The following CALN1 variants were observed in gnomAD, a reference collection of about 807,000 sequenced individuals.
The protein encoded by CALN1 is calneuron 1.
Under a neutral mutation model 30.6 loss-of-function variants are expected in CALN1, and 17 were observed. The observed-to-expected ratio is 0.56, with a 90% CI of 0.38 to 0.83. The LOEUF (loss-of-function observed/expected upper bound fraction) is 0.83. Among genes scored for constraint, CALN1 ranks in the 40% least tolerant of loss-of-function variants. The pLI is 0.00. For missense variants in CALN1, 291 were observed against 354.9 expected (o/e 0.82, Z 1.45); for synonymous variants, 156 against 131.4 (o/e 1.19, Z -1.28).
chr7:72,409,081 C>A (rs768894315), intron 1 of CALN1, among the ~76,000 whole-genome samples: 1 of 151,796 alleles, frequency 6.6e-6, no homozygotes, highest in Non-Finnish European at 1.5e-5. Context: ...CTGCAACTTC[C>A]GCCTCCCGGA....
At chr7:72,332,436 T>C (rs952956031) in intron 2 of CALN1, among the ~76,000 whole-genome samples, 7 of 152,056 alleles carry the variant, frequency 4.6e-5, no homozygotes, top group Non-Finnish European at 8.8e-5. Context: ...TGGGTGTGTC[T>C]TATGGAGAGC....
At chr7:72,354,811 G>A (rs1022856694) in intron 2 of CALN1, among the ~76,000 whole-genome samples, 7 of 151,732 alleles carry the variant, frequency 4.6e-5, no homozygotes, top group Admixed American at 4.6e-4. Flanking sequence ...ATGGATCGTA[G>A]ACCTAAAAGA....
chr7:71,934,238 T>C (rs1365947220), intron 5 of CALN1, among the ~76,000 whole-genome samples: 1 of 152,210 alleles, frequency 6.6e-6, no homozygotes, highest in African/African-American at 2.4e-5. Context: ...AATTGTTCTT[T>C]CTTAGATCCC....
intron 4 of CALN1, among the ~76,000 whole-genome samples, chr7:72,100,233 A>G (rs924917895): frequency 1.3e-5 from 2 of 151,718 alleles, no homozygotes; most frequent in African/African-American, 4.8e-5. Context: ...ATCATAGCTT[A>G]CTGCAGTCTT....
At chr7:72,069,566 G>A (rs1205792871) in intron 4 of CALN1, among the ~76,000 whole-genome samples, 3 of 152,052 alleles carry the variant, frequency 2.0e-5, no homozygotes, top group Admixed American at 2.0e-4. Flanking sequence ...TCTTCACAAG[G>A]CCTTCTTTTC....
chr7:71,994,913 C>A (rs544818045), intron 5 of CALN1, among the ~76,000 whole-genome samples: 1 of 147,402 alleles, frequency 6.8e-6, no homozygotes, highest in South Asian at 2.1e-4. Context: ...AGTGCAGTGG[C>A]GCGATCTCAG....
At chr7:71,881,101 C>A (rs1235200566) in intron 5 of CALN1, among the ~76,000 whole-genome samples, 2 of 152,198 alleles carry the variant, frequency 1.3e-5, no homozygotes, top group Non-Finnish European at 2.9e-5. Flanking sequence ...ATCTTTCTCC[C>A]GTGCTGGATG....
intron 2 of CALN1, among the ~76,000 whole-genome samples, chr7:72,324,983 G>A (rs894346068): frequency 1.3e-5 from 2 of 152,116 alleles, no homozygotes; most frequent in African/African-American, 2.4e-5. Context: ...TTTGGGTGTC[G>A]AGAATTAGAG....
chr7:72,241,584 T>TA (rs1794836954), intron 3 of CALN1, among the ~76,000 whole-genome samples: 1 of 151,966 alleles, frequency 6.6e-6, no homozygotes, highest in Non-Finnish European at 1.5e-5. Flanking sequence ...CGCATGCCTG[T>TA]AATCCCAGCT....
In CALN1 at chr7:72,052,447, G is replaced by C. The variant is rs987979907; in HGVS notation, c.389-28678C>G. On this transcript the variant is annotated intron_variant, in intron 4 of 6. Transcript: ENST00000395275. ...TGTTTACTCCAGCAGGCTCTGGGGG[G>C]ATTCAGGCTTGGGGGTGATGGTCTT... is the stretch of plus-strand genomic sequence containing the variant. Among the ~76,000 whole-genome samples, 3 of 146,264 alleles carry C rather than the reference G, an allele frequency of 2.1e-5. 1 individual carries two copies. The highest frequency in any genetic ancestry group is 5.1e-4 in the South Asian group (2 of 3,948).
the CALN1 span, among the ~76,000 whole-genome samples, chr7:72,462,174 GTATGTATTTATTTATT>G: frequency 6.6e-6 from 1 of 151,722 alleles, no homozygotes; most frequent in African/African-American, 2.4e-5. Flanking sequence ...ATGTATGTAT[GTATGTATTTATTTATT>G]TATTTATTTG....
intron 3 of CALN1, among the ~76,000 whole-genome samples, chr7:72,263,067 A>G (rs1415052499): frequency 2.6e-5 from 4 of 152,156 alleles, no homozygotes; most frequent in African/African-American, 7.2e-5. Context: ...CTTCTCCTCT[A>G]AAGAGCTACT....
intron 2 of CALN1, among the ~76,000 whole-genome samples, chr7:72,382,501 G>A (rs962541495): frequency 2.6e-5 from 4 of 152,120 alleles, no homozygotes; most frequent in African/African-American, 9.7e-5. Context: ...GGATACATGT[G>A]CAGGTTACAT....
At chr7:71,851,169 T>C (rs968803788) in intron 5 of CALN1, among the ~76,000 whole-genome samples, 4 of 150,482 alleles carry the variant, frequency 2.7e-5, no homozygotes, top group Admixed American at 6.7e-5. Context: ...ACTGCATCAC[T>C]GCACTCTAGC....
intron 2 of CALN1, among the ~76,000 whole-genome samples, chr7:72,364,470 C>G (rs543897005): frequency 1.3e-5 from 2 of 152,272 alleles, no homozygotes; most frequent in South Asian, 4.1e-4. Context: ...TGTCTCTATA[C>G]CTCCCTTTGA....
intron 2 of CALN1, among the ~76,000 whole-genome samples, chr7:72,374,969 C>T (rs1804468995): frequency 1.3e-5 from 2 of 151,942 alleles, no homozygotes; most frequent in African/African-American, 4.8e-5. Context: ...CTAATTTTCC[C>T]TGTATGTTAA....
intron 4 of CALN1, among the ~76,000 whole-genome samples, chr7:72,047,181 C>A (rs543896487): frequency 6.6e-6 from 1 of 152,280 alleles, no homozygotes; most frequent in East Asian, 1.9e-4. Flanking sequence ...AAATTATTCA[C>A]TATCAGAGAC....
At chr7:72,065,109 T>TTA (rs529758001) in intron 4 of CALN1, among the ~76,000 whole-genome samples, 3 of 148,114 alleles carry the variant, frequency 2.0e-5, no homozygotes, top group East Asian at 1.9e-4. Flanking sequence ...TAAAATATAT[T>TTA]TATGTTAATA....
chr7:71,935,137 T>C (rs376899279), intron 5 of CALN1, among the ~76,000 whole-genome samples: 17 of 150,800 alleles, frequency 1.1e-4, no homozygotes, highest in African/African-American at 4.1e-4. Flanking sequence ...GTGTAGATGT[T>C]GTTGTCTAAG....
Sources: allele counts gnomAD v4.1 joint callset (sites outside exome capture counted in the v4.1 genomes callset), GRCh38; gene constraint gnomAD v4.1.1; transcripts MANE v1.5; gene names NCBI Gene and HGNC (gene_info 2026-07-23, HGNC 2026-07-21).